Variants in KLHL7 observed in about 807,000 individuals in gnomAD.
KLHL7 encodes kelch-like protein 7.
Under a neutral mutation model 67.4 loss-of-function variants are expected in KLHL7, and 44 were observed. The observed-to-expected ratio is 0.65, with a 90% CI of 0.51 to 0.84. KLHL7 has a LOEUF of 0.84. Among genes scored for constraint, KLHL7 ranks in the 40% least tolerant of loss-of-function variants. The pLI is 0.00. For missense variants in KLHL7, 362 were observed against 718.1 expected, an observed-to-expected ratio of 0.50 and a Z score of 5.67; for synonymous variants, 252 against 243.3, an observed-to-expected ratio of 1.04 and a Z score of -0.33.
At position 23,175,454 on chromosome 7, in the gene KLHL7, G is replaced by T; in HGVS notation, c.*1156G>T. On this transcript the variant is annotated 3_prime_UTR_variant, in exon 11 of 11. Transcript: ENST00000339077. ...CTCAGTTTGTTCTTCAAGTATTTTA[G>T]GTAATGGTTGTTTTTAGAATTTGTG... The T allele has an allele frequency of 2.5e-6, 1 of 403,308 alleles. No homozygotes were observed. Among genetic ancestry groups the T allele is most frequent in the Non-Finnish European group, 4.8e-6 (1 of 209,000 alleles). 25.0% of individuals were successfully genotyped at this position (403,308 alleles called of 1,614,324 possible). A position where few individuals can be genotyped will look rare whatever the true frequency, so the allele number is the denominator to read the frequency against.
intron 7 of KLHL7, 93 bp downstream of exon 7, chr7:23,152,302 C>T: frequency 1.8e-6 from 2 of 1,110,924 alleles, no homozygotes; most frequent in Non-Finnish European, 2.7e-6. Context: ...TAACTCATAC[C>T]TTTAGAGATG....
chr7:23,168,142 G>T, intron 9 of KLHL7, 105 bp downstream of exon 9: 1 of 1,062,798 alleles, frequency 9.4e-7, no homozygotes, highest in South Asian at 1.3e-5. Context: ...TTGTCCTTGA[G>T]TGAAGAGTGT....
intron 7 of KLHL7, among the ~76,000 whole-genome samples, chr7:23,165,342 A>G (rs963106679): frequency 2.0e-5 from 3 of 152,240 alleles, no homozygotes; most frequent in Non-Finnish European, 4.4e-5. Flanking sequence ...TTTACATTTG[A>G]AAAAGCTTTT....
intron 6 of KLHL7, among the ~76,000 whole-genome samples, chr7:23,151,567 A>G (rs1784538057): frequency 6.6e-6 from 1 of 152,212 alleles, no homozygotes. Flanking sequence ...AAACTCCCAA[A>G]TGCTGAAGCA....
chr7:23,143,793 G>A (rs1298472572), intron 5 of KLHL7, 58 bp from the exon 6 acceptor site: 11 of 1,508,592 alleles, frequency 7.3e-6, no homozygotes, highest in South Asian at 1.1e-5. Context: ...AGTAAACATA[G>A]GTAATTGGAA....
chr7:23,148,251 A>G (rs983263270), intron 6 of KLHL7, among the ~76,000 whole-genome samples: 3 of 152,204 alleles, frequency 2.0e-5, no homozygotes, highest in Non-Finnish European at 4.4e-5. Context: ...TGCCAAATGC[A>G]TATTTTTTTT....
chr7:23,120,157 G>A (rs1408041053), intron 1 of KLHL7, among the ~76,000 whole-genome samples: 1 of 152,028 alleles, frequency 6.6e-6, no homozygotes, highest in East Asian at 1.9e-4. Context: ...CCACAAATGC[G>A]TGCCACCACA....
At position 23,176,139 on chromosome 7, in the gene KLHL7, A is replaced by G. The variant is rs1242453465; in HGVS notation, c.*1841A>G. 3 of 152,046 alleles carry G rather than the reference A, an allele frequency of 2.0e-5. No individual in the cohort carries two copies. The highest frequency in any genetic ancestry group is 2.0e-4 in the Admixed American group (3 of 15,264). 9.4% of individuals were successfully genotyped at this position (152,046 alleles called of 1,614,324 possible). On this transcript the variant is annotated 3_prime_UTR_variant, in exon 11 of 11. Coordinates refer to ENST00000339077, the MANE Select transcript of KLHL7 (RefSeq NM_001031710.3). ...TTTCCTAGGGCTACCATAACAAACTACTGCAAACTTGGTGGCTTTAAAGAA... is the reference window on the plus strand; with the variant it reads ...TTTCCTAGGGCTACCATAACAAACTGCTGCAAACTTGGTGGCTTTAAAGAA...
chr7:23,115,737 G>GT (rs1410983113), intron 1 of KLHL7, among the ~76,000 whole-genome samples: 1 of 151,946 alleles, frequency 6.6e-6, no homozygotes, highest in Non-Finnish European at 1.5e-5. Context: ...TAGAGACGGG[G>GT]TTTTACCATG....
chr7:23,107,242 C>T (rs531014605), intron 1 of KLHL7, among the ~76,000 whole-genome samples: 1 of 152,324 alleles, frequency 6.6e-6, no homozygotes, highest in South Asian at 2.1e-4. Context: ...TGCTGAAGTA[C>T]TGTGAATGCC....
At chr7:23,171,155 TTG>T in intron 9 of KLHL7, 1 of 356,416 alleles carries the variant, frequency 2.8e-6, no homozygotes, top group East Asian at 1.0e-4. Flanking sequence ...TCTGCCCACC[TTG>T]GCCTCCCAAA....
intron 4 of KLHL7, among the ~76,000 whole-genome samples, chr7:23,133,463 GCT>G (rs1783871015): frequency 6.6e-6 from 1 of 151,694 alleles, no homozygotes; most frequent in African/African-American, 2.4e-5. Context: ...ACAGAGCCTT[GCT>G]CTGTCACCCA....
chr7:23,112,743 G>A (rs951962656), intron 1 of KLHL7, among the ~76,000 whole-genome samples: 2 of 152,308 alleles, frequency 1.3e-5, no homozygotes, highest in South Asian at 2.1e-4. Flanking sequence ...GACTTATTTT[G>A]ATGGGCAGAC....
chr7:23,109,015 G>C (rs1276041940), intron 1 of KLHL7, among the ~76,000 whole-genome samples: 1 of 152,104 alleles, frequency 6.6e-6, no homozygotes, highest in Non-Finnish European at 1.5e-5. Context: ...CATGCCTTTT[G>C]GTATGCATAT....
chr7:23,126,062 CT>C, intron 4 of KLHL7: 1 of 649,904 alleles, frequency 1.5e-6, no homozygotes, highest in Non-Finnish European at 2.8e-6. Context: ...GCTAGCATCA[CT>C]ACTCTTATAT....
At chr7:23,106,411 G>T in intron 1 of KLHL7, 1 of 1,310,870 alleles carries the variant, frequency 7.6e-7, no homozygotes, top group Non-Finnish European at 9.8e-7. Context: ...TTTCGCCGTC[G>T]GGTATCGGTT....
intron 6 of KLHL7, among the ~76,000 whole-genome samples, chr7:23,148,376 T>G (rs1301198473): frequency 6.7e-6 from 1 of 148,218 alleles, no homozygotes; most frequent in Non-Finnish European, 1.5e-5. Context: ...ATACCTATAT[T>G]TAAGGGGTAC....
intron 4 of KLHL7, among the ~76,000 whole-genome samples, chr7:23,137,091 TCTGGC>T (rs1368998630): frequency 6.6e-6 from 1 of 152,048 alleles, no homozygotes; most frequent in Non-Finnish European, 1.5e-5. Flanking sequence ...TCGAGACCAG[TCTGGC>T]CAACATGGGG....
At chr7:23,118,018 G>A in intron 1 of KLHL7, 1 of 1,594,970 alleles carries the variant, frequency 6.3e-7, no homozygotes, top group Non-Finnish European at 8.6e-7. Context: ...AGAACGTGGG[G>A]CAGTTGACTG....
Sources: allele counts gnomAD v4.1 joint callset (sites outside exome capture counted in the v4.1 genomes callset), GRCh38; gene constraint gnomAD v4.1.1; transcripts MANE v1.5; gene names NCBI Gene and HGNC (gene_info 2026-07-23, HGNC 2026-07-21).